The following KLRG1 variants were observed in gnomAD, a reference collection of about 807,000 sequenced individuals.
The protein encoded by KLRG1 is killer cell lectin-like receptor subfamily G member 1.
In KLRG1, 16 loss-of-function variants were observed where a neutral mutation model predicts 21.8. The observed-to-expected ratio is 0.73, with a 90% CI of 0.50 to 1.11. The LOEUF (loss-of-function observed/expected upper bound fraction) is 1.11. Among genes scored for constraint, KLRG1 ranks in the 50% most tolerant of loss-of-function variants. The pLI, the probability that KLRG1 is intolerant of heterozygous loss-of-function variation, is 0.00. For missense variants in KLRG1, 173 were observed against 218.3 expected, an observed-to-expected ratio of 0.79 and a Z score of 1.31; for synonymous variants, 69 against 75.9, an observed-to-expected ratio of 0.91 and a Z score of 0.47.
At chr12:9,025,043 TGTAAA>T in the KLRG1 span, among the ~76,000 whole-genome samples, 2 of 152,132 alleles carry the variant, frequency 1.3e-5, no homozygotes, top group African/African-American at 4.8e-5. Context: ...GCCAAAGAGT[TGTAAA>T]GTAACATAAT....
At chr12:9,175,573 G>A in the KLRG1 span, among the ~76,000 whole-genome samples, 2 of 152,098 alleles carry the variant, frequency 1.3e-5, no homozygotes, top group East Asian at 1.9e-4. Flanking sequence ...CCTGAGAAAG[G>A]CCTAATATCC....
chr12:9,072,687 A>T, the KLRG1 span: 3 of 1,613,982 alleles, frequency 1.9e-6, no homozygotes, highest in African/African-American at 2.7e-5. Context: ...TGTCACTTTC[A>T]TGCTGTATTC....
the KLRG1 span, chr12:9,113,305 C>A: frequency 1.3e-6 from 2 of 1,569,888 alleles, no homozygotes; most frequent in Non-Finnish European, 1.7e-6. Context: ...AATACTAGAT[C>A]CCTATGACCC....
At chr12:9,152,112 T>C in the KLRG1 span, 1 of 874,554 alleles carries the variant, frequency 1.1e-6, no homozygotes, top group Non-Finnish European at 1.9e-6. Flanking sequence ...GAAAAATATT[T>C]TTTTGAGGCA....
At chr12:9,132,558 A>G in the KLRG1 span, among the ~76,000 whole-genome samples, 8 of 152,226 alleles carry the variant, frequency 5.3e-5, no homozygotes, top group Non-Finnish European at 1.0e-4. Flanking sequence ...TGGCATGAAT[A>G]TGACACACAC....
the KLRG1 span, among the ~76,000 whole-genome samples, chr12:9,183,073 C>G: frequency 6.6e-6 from 1 of 152,148 alleles, no homozygotes; most frequent in African/African-American, 2.4e-5. Context: ...AGGACAAGGA[C>G]AATTAGAATT....
chr12:8,995,041 T>C (rs1284820131), intron 2 of KLRG1, 78 bp from the exon 3 acceptor site: 3 of 1,332,150 alleles, frequency 2.3e-6, no homozygotes, highest in Admixed American at 4.9e-5. Context: ...AGGGCTGCCA[T>C]ATTCCATTTT....
chr12:8,968,268 GA>G (rs1426553782), intron 1 of KLRG1, among the ~76,000 whole-genome samples: 3 of 141,026 alleles, frequency 2.1e-5, no homozygotes, highest in African/African-American at 7.7e-5. Flanking sequence ...TGAAATAATA[GA>G]AAAATCTATA....
At chr12:8,973,683 C>T (rs1946609155) in intron 1 of KLRG1, among the ~76,000 whole-genome samples, 1 of 152,206 alleles carries the variant, frequency 6.6e-6, no homozygotes, top group African/African-American at 2.4e-5. Flanking sequence ...TATCCATGAA[C>T]ATGGGATATC....
At chr12:9,017,739 A>G in the KLRG1 span, among the ~76,000 whole-genome samples, 1 of 152,210 alleles carries the variant, frequency 6.6e-6, no homozygotes, top group Non-Finnish European at 1.5e-5. Context: ...ACCGTTATTC[A>G]ATATAGTACT....
chr12:9,201,110 C>T, the KLRG1 span: 2 of 1,593,270 alleles, frequency 1.3e-6, no homozygotes, highest in Non-Finnish European at 1.7e-6. Flanking sequence ...CACAATAGTC[C>T]TTGAGCAACT....
the KLRG1 span, chr12:9,127,723 C>CT: frequency 1.8e-5 from 3 of 165,142 alleles, no homozygotes; most frequent in African/African-American, 4.8e-5. Flanking sequence ...CCAGCGTCCT[C>CT]TGCAGGTCCG....
chr12:9,086,342 A>C, the KLRG1 span, among the ~76,000 whole-genome samples: 1 of 152,194 alleles, frequency 6.6e-6, no homozygotes, highest in African/African-American at 2.4e-5. Flanking sequence ...AGCCTGGGGA[A>C]CACAGCAAAA....
At chr12:9,146,490 C>A in the KLRG1 span, among the ~76,000 whole-genome samples, 1 of 152,002 alleles carries the variant, frequency 6.6e-6, no homozygotes, top group Non-Finnish European at 1.5e-5. Context: ...TCACATAATT[C>A]CATTTCATTA....
the KLRG1 span, chr12:9,208,297 A>T: frequency 2.5e-6 from 4 of 1,613,766 alleles, no homozygotes; most frequent in Non-Finnish European, 3.4e-6. Flanking sequence ...AAAGCAGGAT[A>T]AGAAGTAGCA....
chr12:9,069,764 A>T, the KLRG1 span: 1 of 1,612,906 alleles, frequency 6.2e-7, no homozygotes, highest in Non-Finnish European at 8.5e-7. Flanking sequence ...GTAAATCAAG[A>T]CATGGTTGCT....
intron 3 of KLRG1, among the ~76,000 whole-genome samples, chr12:9,007,122 T>C (rs1947495249): frequency 6.6e-6 from 1 of 152,206 alleles, no homozygotes; most frequent in Admixed American, 6.5e-5. Flanking sequence ...ACCACAGTCA[T>C]GTCCTGAATG....
chr12:9,170,944 G>A, the KLRG1 span, among the ~76,000 whole-genome samples: 5,902 of 152,270 alleles, frequency 0.039, 398 homozygotes, highest in African/African-American at 0.13. This position sits in a 1 kb window ranked among gnomAD's most constrained non-coding sequence, Gnocchi z 4.6. Context: ...GAATACAGGT[G>A]ATCCAGGTGA....
the KLRG1 span, chr12:9,201,395 G>C: frequency 2.3e-5 from 34 of 1,468,050 alleles, no homozygotes; most frequent in Non-Finnish European, 3.2e-5. Context: ...TCCAGCAAAG[G>C]CTACAATTTC....
Sources: gnomAD v4.1 joint callset for allele counts (sites outside exome capture counted in the v4.1 genomes callset) on GRCh38, gnomAD v4.1.1 for gene constraint, Gnocchi (gnomAD v3.1) non-coding constraint, MANE v1.5 for transcripts, NCBI Gene and HGNC (gene_info 2026-07-23, HGNC 2026-07-21) for gene names.